The following POU6F2 variants were observed in gnomAD, a reference collection of about 807,000 sequenced individuals.
POU6F2 encodes POU domain, class 6, transcription factor 2.
A neutral mutation model predicts 71.3 loss-of-function variants in POU6F2; 31 were observed. The ratio of observed to expected loss-of-function variants is 0.43; its 90% CI spans 0.33 to 0.59. The LOEUF (loss-of-function observed/expected upper bound fraction) is 0.59. Among genes scored for constraint, POU6F2 ranks in the 20% least tolerant of loss-of-function variants. The pLI is 0.04. For synonymous variants in POU6F2, 347 were observed against 355.7 expected (o/e 0.98, Z 0.27); for missense variants, 783 against 856.8 (o/e 0.91, Z 1.07).
intron 2 of POU6F2, among the ~76,000 whole-genome samples, chr7:39,156,488 G>A (rs1792872344): frequency 6.6e-6 from 1 of 152,110 alleles, no homozygotes; most frequent in African/African-American, 2.4e-5. Context: ...AAACTATACA[G>A]CATGAAATGA....
intron 7 of POU6F2, among the ~76,000 whole-genome samples, chr7:39,436,080 T>C (rs1788235034): frequency 6.6e-6 from 1 of 152,200 alleles, no homozygotes; most frequent in South Asian, 2.1e-4. Flanking sequence ...TTGTTCTTTT[T>C]GCTTAGGATT....
chr7:39,372,065 A>AC (rs1176814676), intron 5 of POU6F2, among the ~76,000 whole-genome samples: 1 of 152,088 alleles, frequency 6.6e-6, no homozygotes, highest in Non-Finnish European at 1.5e-5. Context: ...GACTATAGGC[A>AC]CGCACTACCA....
chr7:39,454,919 G>A (rs1788765827), intron 8 of POU6F2, among the ~76,000 whole-genome samples: 1 of 151,178 alleles, frequency 6.6e-6, no homozygotes, highest in African/African-American at 2.4e-5. Context: ...AGAATGCTGG[G>A]TTAATACCTT....
intron 2 of POU6F2, among the ~76,000 whole-genome samples, chr7:39,108,430 T>C (rs1173203601): frequency 1.3e-5 from 2 of 152,256 alleles, no homozygotes; most frequent in Admixed American, 1.3e-4. Context: ...GCTGGACTGC[T>C]CATGGCAATG....
chr7:39,406,653 C>T lies in POU6F2; in HGVS notation c.1026C>T (p.Ser342=). The T allele has an allele frequency of 6.2e-7, 1 of 1,613,746 alleles. No individual in the cohort carries two copies. Among genetic ancestry groups the T allele is most frequent in the Non-Finnish European group, 8.5e-7 (1 of 1,179,824 alleles). ...CTGCAGCGGCTGCAGCAGCCATGAG[C>T]TCCATAGCAAGCTCACAGGCCTTTG... is the stretch of plus-strand genomic sequence containing the variant. ...SQAAAAAAAM[S]SIASSQAFGN... Residue 342 remains serine, a synonymous_variant, in exon 6 of 10, where the codon AGC becomes AGT. Transcript: ENST00000518318.
intron 5 of POU6F2, among the ~76,000 whole-genome samples, chr7:39,354,023 G>T (rs553789054): frequency 6.6e-6 from 1 of 152,124 alleles, no homozygotes; most frequent in South Asian, 2.1e-4. Flanking sequence ...CGTAACACCC[G>T]CCCGCTCCAG....
chr7:39,434,534 A>G (rs1788185996), intron 7 of POU6F2, among the ~76,000 whole-genome samples: 1 of 152,048 alleles, frequency 6.6e-6, no homozygotes, highest in African/African-American at 2.4e-5. Context: ...GATAGTGATG[A>G]TGATGATGAT....
intron 7 of POU6F2, among the ~76,000 whole-genome samples, chr7:39,440,319 C>T (rs1009212828): frequency 2.6e-5 from 4 of 152,146 alleles, no homozygotes; most frequent in Non-Finnish European, 4.4e-5. Flanking sequence ...TCTGGTACTC[C>T]AGTCAATCAT....
At chr7:39,100,816 A>C (rs2128723606) in intron 2 of POU6F2, among the ~76,000 whole-genome samples, 1 of 152,232 alleles carries the variant, frequency 6.6e-6, no homozygotes, top group Non-Finnish European at 1.5e-5. Flanking sequence ...GGGTAACCAA[A>C]CTTAAATCTG....
intron 5 of POU6F2, among the ~76,000 whole-genome samples, chr7:39,341,955 G>A (rs1410049345): frequency 6.6e-6 from 1 of 152,136 alleles, no homozygotes; most frequent in Admixed American, 6.5e-5. Flanking sequence ...AGGGCTGTTT[G>A]TTTTGTTTTG....
chr7:39,175,791 C>G (rs899411461), intron 2 of POU6F2, among the ~76,000 whole-genome samples: 1 of 152,104 alleles, frequency 6.6e-6, no homozygotes, highest in East Asian at 1.9e-4. Context: ...CTTGATTTAT[C>G]TCGCAGACTA....
At chr7:39,069,581 C>A (rs1790831569) in intron 1 of POU6F2, among the ~76,000 whole-genome samples, 1 of 152,128 alleles carries the variant, frequency 6.6e-6, no homozygotes, top group Non-Finnish European at 1.5e-5. Context: ...ACTTTTGACT[C>A]CCCAAAAACG....
intron 4 of POU6F2, among the ~76,000 whole-genome samples, chr7:39,260,961 C>T (rs1784127369): frequency 6.6e-6 from 1 of 151,660 alleles, no homozygotes; most frequent in Admixed American, 6.6e-5. Context: ...CACATGCACA[C>T]CACACCCACC....
intron 1 of POU6F2, among the ~76,000 whole-genome samples, chr7:39,058,136 C>G (rs764841885): frequency 2.0e-5 from 3 of 152,324 alleles, no homozygotes; most frequent in South Asian, 2.1e-4. Context: ...ATTCCTCCCC[C>G]CTTGTTTAAA....
chr7:39,227,554 T>G (rs967943442), intron 4 of POU6F2, among the ~76,000 whole-genome samples: 1 of 145,992 alleles, frequency 6.8e-6, no homozygotes, highest in African/African-American at 2.5e-5. Flanking sequence ...TTGGTACCTT[T>G]TTTTTTTTTT....
At chr7:39,438,406 A>T (rs555078116) in intron 7 of POU6F2, among the ~76,000 whole-genome samples, 62 of 152,302 alleles carry the variant, frequency 4.1e-4, no homozygotes, top group African/African-American at 1.4e-3. Flanking sequence ...CAATAAACAT[A>T]CATGTGCATG....
intron 1 of POU6F2, among the ~76,000 whole-genome samples, chr7:39,005,515 T>TGTGTGTGTGTGTGTGTG (rs1562664683): frequency 1.3e-5 from 2 of 151,054 alleles, no homozygotes; most frequent in African/African-American, 2.4e-5. Context: ...TGTGTGTGTG[T>TGTGTGTGTGTGTGTGTG]TTATGTTGTG....
intron 2 of POU6F2, among the ~76,000 whole-genome samples, chr7:39,200,285 G>C (rs188324511): frequency 2.0e-4 from 30 of 152,318 alleles, no homozygotes; most frequent in Non-Finnish European, 3.2e-4. Flanking sequence ...ATTCACGTGA[G>C]CTACGCTTTA....
chr7:39,318,994 T>C (rs1422502526), intron 4 of POU6F2, among the ~76,000 whole-genome samples: 5 of 151,916 alleles, frequency 3.3e-5, no homozygotes, highest in Non-Finnish European at 5.9e-5. Context: ...ATTAAAAAAT[T>C]AGTTGGATGT....
Sources: allele counts gnomAD v4.1 joint callset (sites outside exome capture counted in the v4.1 genomes callset), GRCh38; gene constraint gnomAD v4.1.1; transcripts MANE v1.5; gene names NCBI Gene and HGNC (gene_info 2026-07-23, HGNC 2026-07-21).